The following COL21A1 variants were observed in gnomAD, a reference collection of about 807,000 sequenced individuals.
COL21A1 encodes collagen alpha-1(XXI) chain.
Under a neutral mutation model 137.9 loss-of-function variants are expected in COL21A1, and 149 were observed. The observed-to-expected ratio is 1.08, with a 90% CI of 0.95 to 1.24. COL21A1 has a LOEUF of 1.24. Ranked by LOEUF, COL21A1 falls within the 50% of genes most tolerant of loss-of-function variation. The probability of loss-of-function intolerance (pLI) is 0.00; values close to 1 mark genes in which losing one functional copy is unlikely to be tolerated. For missense variants in COL21A1, 1,167 were observed against 1,158.4 expected, an observed-to-expected ratio of 1.01 and a Z score of -0.11; for synonymous variants, 456 against 391.5, an observed-to-expected ratio of 1.16 and a Z score of -1.95.
chr6:56,282,140 A>G (rs1445829933), intron 1 of COL21A1, among the ~76,000 whole-genome samples: 3 of 152,188 alleles, frequency 2.0e-5, no homozygotes, highest in East Asian at 3.8e-4. Flanking sequence ...TCATACACAA[A>G]AGTCTGTATT....
chr6:56,276,807 G>GGTT (rs1554174888), intron 1 of COL21A1: 13,382 of 909,008 alleles, frequency 0.015, 134 homozygotes, highest in Non-Finnish European at 0.019. Context: ...TGTTTTTTTT[G>GGTT]TTTTTTTTGT....
intron 1 of COL21A1, among the ~76,000 whole-genome samples, chr6:56,297,248 T>C (rs1038439627): frequency 2.0e-5 from 3 of 152,088 alleles, no homozygotes; most frequent in African/African-American, 7.2e-5. Context: ...CCTGGACAAG[T>C]GAAAACTGGT....
At chr6:56,098,026 T>TATATAAATATAAATATATATATAA (rs1769678562) in intron 17 of COL21A1, among the ~76,000 whole-genome samples, 1 of 68,880 alleles carries the variant, frequency 1.5e-5, no homozygotes, top group African/African-American at 6.5e-5. Flanking sequence ...TATATAAATA[T>TATATAAATATAAATATATATATAA]ATATGTAAAT....
At chr6:56,254,192 A>G (rs536417276) in intron 1 of COL21A1, among the ~76,000 whole-genome samples, 1 of 152,336 alleles carries the variant, frequency 6.6e-6, no homozygotes, top group Non-Finnish European at 1.5e-5. Context: ...AAAATAAGAA[A>G]CTACCTTATT....
At chr6:56,374,157 T>A (rs1449756749) in intron 1 of COL21A1, among the ~76,000 whole-genome samples, 1 of 152,220 alleles carries the variant, frequency 6.6e-6, no homozygotes, top group Admixed American at 6.5e-5. Flanking sequence ...GCACGACTTG[T>A]ATGAAATATC....
intron 1 of COL21A1, among the ~76,000 whole-genome samples, chr6:56,242,900 G>A (rs1045178724): frequency 2.6e-5 from 4 of 152,154 alleles, no homozygotes; most frequent in Non-Finnish European, 5.9e-5. Flanking sequence ...GTTGTATTCT[G>A]TAAGTTGGAT....
intron 20 of COL21A1, among the ~76,000 whole-genome samples, chr6:56,072,724 T>C (rs1766863877): frequency 6.6e-6 from 1 of 151,588 alleles, no homozygotes; most frequent in African/African-American, 2.4e-5. Context: ...CAGAGACTTG[T>C]ATGGCTCTCT....
At chr6:56,098,565 A>AT in intron 17 of COL21A1, among the ~76,000 whole-genome samples, 1 of 23,900 alleles carries the variant, frequency 4.2e-5, no homozygotes, top group African/African-American at 1.7e-4. Context: ...ATAAATATAT[A>AT]AATATATATA....
intron 1 of COL21A1, among the ~76,000 whole-genome samples, chr6:56,374,290 A>G (rs2093995365): frequency 1.3e-5 from 2 of 152,188 alleles, no homozygotes; most frequent in African/African-American, 4.8e-5. Context: ...CCTCTTACAT[A>G]GAATTTTTTT....
intron 9 of COL21A1, among the ~76,000 whole-genome samples, chr6:56,157,726 T>G (rs1345713084): frequency 6.6e-6 from 1 of 152,236 alleles, no homozygotes; most frequent in Non-Finnish European, 1.5e-5. Context: ...GAATTCAAGT[T>G]TAAAGCTGCA....
chr6:56,146,642 A>G (rs1774857873), intron 10 of COL21A1, among the ~76,000 whole-genome samples: 1 of 152,124 alleles, frequency 6.6e-6, no homozygotes, highest in Admixed American at 6.5e-5. Flanking sequence ...ATACTAAAGA[A>G]AGCACAATGC....
chr6:56,325,981 A>C (rs1765075853), intron 1 of COL21A1, among the ~76,000 whole-genome samples: 2 of 22,656 alleles, frequency 8.8e-5, no homozygotes, highest in African/African-American at 5.9e-4. Context: ...TATATATTAT[A>C]TAATATATGT....
chr6:56,218,760 G>T (rs141487401), intron 1 of COL21A1, among the ~76,000 whole-genome samples: 1 of 152,000 alleles, frequency 6.6e-6, no homozygotes, highest in South Asian at 2.1e-4. Flanking sequence ...CACCAACAAC[G>T]CATTTGGCCC....
intron 1 of COL21A1, among the ~76,000 whole-genome samples, chr6:56,283,698 G>A (rs142663177): frequency 8.8e-4 from 134 of 152,078 alleles, no homozygotes; most frequent in African/African-American, 3.1e-3. Flanking sequence ...AAAGAAAACC[G>A]TGTGCAAACT....
intron 17 of COL21A1, among the ~76,000 whole-genome samples, chr6:56,089,220 G>A (rs1040635791): frequency 2.0e-5 from 3 of 152,122 alleles, no homozygotes; most frequent in African/African-American, 7.2e-5. Context: ...ACAGGAGGTG[G>A]CTATGAAATT....
At chr6:56,151,067 CA>C (rs10709990) in intron 10 of COL21A1, among the ~76,000 whole-genome samples, 115,807 of 151,520 alleles carry the variant, frequency 0.76, 45,064 homozygotes, top group African/African-American at 0.91. Flanking sequence ...ACTAAAAATA[CA>C]AAAAAAAATT....
chr6:56,260,677 AAGGAAGGAAGGAAGGCAGGC>A (rs1432206745), intron 1 of COL21A1, among the ~76,000 whole-genome samples: 6 of 121,704 alleles, frequency 4.9e-5, no homozygotes, highest in African/African-American at 2.0e-4. Flanking sequence ...GGAAGGAAGG[AAGGAAGGAAGGAAGGCAGGC>A]AGGCAGGCAG....
At chr6:56,133,183 G>C (rs1773709379) in intron 12 of COL21A1, among the ~76,000 whole-genome samples, 1 of 152,164 alleles carries the variant, frequency 6.6e-6, no homozygotes, top group Admixed American at 6.5e-5. Flanking sequence ...CCAGAGACTT[G>C]TTGAATGGCT....
rs1765439002 is a variant in COL21A1 at position 56,057,624 on chromosome 6, C to T, written c.*33G>A. The T allele has an allele frequency of 1.2e-6, 2 of 1,604,518 alleles. No individual in the cohort carries two copies. Among genetic ancestry groups the T allele is most frequent in the Non-Finnish European group, 8.5e-7 (1 of 1,173,552 alleles). On this transcript the variant is annotated 3_prime_UTR_variant, in exon 30 of 30. Transcript: ENST00000244728. ...GATGCAAAAGACCACAGAAAAAGCACCATGCCTAGGCTGCTGAATGAGGCA... is the reference window on the plus strand; with the variant it reads ...GATGCAAAAGACCACAGAAAAAGCATCATGCCTAGGCTGCTGAATGAGGCA...
Sources: gnomAD v4.1 joint callset for allele counts (sites outside exome capture counted in the v4.1 genomes callset) on GRCh38, gnomAD v4.1.1 for gene constraint, MANE v1.5 for transcripts, NCBI Gene and HGNC (gene_info 2026-07-23, HGNC 2026-07-21) for gene names.